Variants in ADAMTS17 observed in about 807,000 individuals in gnomAD.
ADAMTS17 encodes A disintegrin and metalloproteinase with thrombospondin motifs 17.
Under a neutral mutation model 141.5 loss-of-function variants are expected in ADAMTS17, and 113 were observed. That is an observed-to-expected ratio of 0.80 (90% confidence interval 0.69 to 0.93). The LOEUF (loss-of-function observed/expected upper bound fraction) is 0.93. Among genes scored for constraint, ADAMTS17 ranks in the 40% least tolerant of loss-of-function variants. The probability of loss-of-function intolerance (pLI) is 0.00; values close to 1 mark genes in which losing one functional copy is unlikely to be tolerated. For synonymous variants in ADAMTS17, 768 were observed against 630.6 expected, an observed-to-expected ratio of 1.22 and a Z score of -3.27; for missense variants, 1,659 against 1,517.9, an observed-to-expected ratio of 1.09 and a Z score of -1.54.
At chr15:100,101,505 G>C (rs1268659317) in intron 14 of ADAMTS17, among the ~76,000 whole-genome samples, 1 of 152,234 alleles carries the variant, frequency 6.6e-6, no homozygotes, top group East Asian at 1.9e-4. Flanking sequence ...CTTCTTGGTT[G>C]TTAAATCACG....
chr15:100,318,588 G>A (rs1008851565), intron 3 of ADAMTS17, among the ~76,000 whole-genome samples: 1 of 152,206 alleles, frequency 6.6e-6, no homozygotes, highest in South Asian at 2.1e-4. Context: ...CTGTAGAACT[G>A]TAAGAAATAA....
At chr15:100,009,423 T>G (rs2061113302) in intron 18 of ADAMTS17, among the ~76,000 whole-genome samples, 1 of 152,156 alleles carries the variant, frequency 6.6e-6, no homozygotes, top group Admixed American at 6.5e-5. Flanking sequence ...AAGTCAGACC[T>G]TCTCAAATTC....
At chr15:100,036,573 G>A (rs986081980) in intron 18 of ADAMTS17, among the ~76,000 whole-genome samples, 3 of 152,206 alleles carry the variant, frequency 2.0e-5, no homozygotes, top group Non-Finnish European at 2.9e-5. Flanking sequence ...CCGTAAGTGC[G>A]CACTTTTTTG....
chr15:100,306,763 T>C (rs752384759), intron 3 of ADAMTS17, among the ~76,000 whole-genome samples: 1 of 152,196 alleles, frequency 6.6e-6, no homozygotes, highest in African/African-American at 2.4e-5. Flanking sequence ...TAGAAACCCT[T>C]ATGCCCTGCT....
At chr15:100,110,299 C>G (rs1463293285) in intron 13 of ADAMTS17, among the ~76,000 whole-genome samples, 1 of 142,054 alleles carries the variant, frequency 7.0e-6, no homozygotes, top group Non-Finnish European at 1.5e-5. Context: ...GAGTCTCACT[C>G]TGTTGCCCAG....
Position 100,307,244 on chromosome 15 carries a change from C to A in ADAMTS17, c.616+23645G>T, listed in dbSNP as rs150334021. Among the ~76,000 whole-genome samples the A allele has an allele frequency of 5.2e-4, 79 of 152,292 alleles. 1 individual carries two copies. The highest frequency in any genetic ancestry group is 1.9e-3 in the African/African-American group (78 of 41,558). On this transcript the variant is annotated intron_variant, in intron 3 of 21. Coordinates refer to ENST00000268070, the MANE Select transcript of ADAMTS17 (RefSeq NM_139057.4). ...AGGAAAAAAGACTCTGCTTCTTGGACAGAGGGATGAGTCCAGGGCTGGGCA... is the reference window on the plus strand; with the variant it reads ...AGGAAAAAAGACTCTGCTTCTTGGAAAGAGGGATGAGTCCAGGGCTGGGCA...
At chr15:100,147,385 A>G (rs1379610946) in intron 10 of ADAMTS17, among the ~76,000 whole-genome samples, 1 of 152,206 alleles carries the variant, frequency 6.6e-6, no homozygotes, top group Non-Finnish European at 1.5e-5. Context: ...TAAACATCAT[A>G]GAGTGCACAA....
At chr15:100,133,365 A>T in intron 10 of ADAMTS17, 50 bp from the exon 11 acceptor site, 3 of 1,526,390 alleles carry the variant, frequency 2.0e-6, no homozygotes, top group Non-Finnish European at 2.7e-6. Context: ...CCACACTCAC[A>T]GGTCACAGCT....
At chr15:100,335,175 G>A (rs1044635737) in intron 2 of ADAMTS17, among the ~76,000 whole-genome samples, 3 of 152,076 alleles carry the variant, frequency 2.0e-5, no homozygotes, top group East Asian at 1.9e-4. Context: ...TCAGTTTAAC[G>A]GGCCCTCCAG....
chr15:100,029,833 C>A, intron 18 of ADAMTS17, among the ~76,000 whole-genome samples: 1 of 152,316 alleles, frequency 6.6e-6, no homozygotes, highest in African/African-American at 2.4e-5. Flanking sequence ...TTACTATATG[C>A]TGGTGGTTCT....
intron 15 of ADAMTS17, among the ~76,000 whole-genome samples, chr15:100,077,283 C>T (rs1333372902): frequency 7.3e-5 from 4 of 54,608 alleles, no homozygotes; most frequent in Admixed American, 3.8e-4. Context: ...ATCTCTACCA[C>T]AAAAAAAAAA....
chr15:100,222,935 T>C (rs2042180100), intron 7 of ADAMTS17, among the ~76,000 whole-genome samples: 1 of 152,216 alleles, frequency 6.6e-6, no homozygotes, highest in Non-Finnish European at 1.5e-5. Context: ...TTTGCTGGCA[T>C]TCAAATCACA....
At chr15:100,228,177 TC>T (rs1307464269) in intron 7 of ADAMTS17, among the ~76,000 whole-genome samples, 8 of 152,214 alleles carry the variant, frequency 5.3e-5, no homozygotes, top group Admixed American at 2.6e-4. Flanking sequence ...TTTCCCGAAA[TC>T]TTTACATGGC....
intron 18 of ADAMTS17, among the ~76,000 whole-genome samples, chr15:100,036,739 C>T (rs532564162): frequency 6.6e-6 from 1 of 152,174 alleles, no homozygotes; most frequent in Non-Finnish European, 1.5e-5. Context: ...CACTTCCATC[C>T]CTCTCCCTCC....
chr15:100,197,309 A>T (rs2041156713), intron 8 of ADAMTS17, among the ~76,000 whole-genome samples: 1 of 152,186 alleles, frequency 6.6e-6, no homozygotes, highest in Admixed American at 6.5e-5. Context: ...CCTTATTTAA[A>T]TTGACTATTC....
chr15:100,239,201 C>G (rs1200750744), intron 7 of ADAMTS17, among the ~76,000 whole-genome samples: 2 of 152,258 alleles, frequency 1.3e-5, no homozygotes, highest in East Asian at 1.9e-4. Flanking sequence ...ATCTCCCTCT[C>G]TGCACCTCGG....
chr15:100,178,403 G>A (rs947599850), intron 8 of ADAMTS17, among the ~76,000 whole-genome samples: 11 of 152,100 alleles, frequency 7.2e-5, no homozygotes, highest in Non-Finnish European at 1.6e-4. Flanking sequence ...TCTGAGTTAA[G>A]CAGAGAAATG....
At chr15:99,991,745 G>C (rs146336653) in intron 20 of ADAMTS17, among the ~76,000 whole-genome samples, 100 of 152,206 alleles carry the variant, frequency 6.6e-4, no homozygotes, top group African/African-American at 2.1e-3. Context: ...CGGCACTGTT[G>C]ACAATAGCAA....
rs191068492 is a variant in ADAMTS17 at position 99,998,025 on chromosome 15, G to C, written c.2592-436C>G. 3.0e-3 allele frequency among the ~76,000 whole-genome samples: 458 copies of C among 152,286 alleles called. 2 individuals are homozygous for C. The highest frequency in any genetic ancestry group is 0.01 in the African/African-American group (429 of 41,560). On this transcript the variant is annotated intron_variant, in intron 18 of 21. Transcript: ENST00000268070. ...ACCCTCTGCTGGGAGAACAGTCCCA[G>C]TACAGGGAATGTCCCTACAGACAGC...
Sources: gnomAD v4.1 joint callset for allele counts (sites outside exome capture counted in the v4.1 genomes callset) on GRCh38, gnomAD v4.1.1 for gene constraint, MANE v1.5 for transcripts, NCBI Gene and HGNC (gene_info 2026-07-23, HGNC 2026-07-21) for gene names.